OTUD7A: variants seen among roughly 807,000 people sequenced by gnomAD.
The protein encoded by OTUD7A is OTU deubiquitinase 7A.
OTUD7A carries 12 observed loss-of-function variants against 65.7 expected under a neutral mutation model. The observed-to-expected ratio is 0.18, with a 90% CI of 0.12 to 0.30. The LOEUF is 0.30. OTUD7A is among the 10% of genes least tolerant of loss of function. The pLI is 1.00. For synonymous variants in OTUD7A, 641 were observed against 586.3 expected, an observed-to-expected ratio of 1.09 and a Z score of -1.35; for missense variants, 1,148 against 1,304.8, an observed-to-expected ratio of 0.88 and a Z score of 1.85.
chr15:31,527,395 T>G, intron 6 of OTUD7A, 87 bp from the exon 7 acceptor site: 1 of 1,505,706 alleles, frequency 6.6e-7, no homozygotes, highest in Non-Finnish European at 9.0e-7. Flanking sequence ...CACGACCCAC[T>G]GGGAGAGCCT....
chr15:31,700,976 T>C (rs185539080), intron 1 of OTUD7A, among the ~76,000 whole-genome samples: 2 of 152,190 alleles, frequency 1.3e-5, no homozygotes, highest in African/African-American at 4.8e-5. Context: ...GCCGTCTCCT[T>C]CCCTGTAGTG....
chr15:31,843,921 G>T (rs1195219865), intron 1 of OTUD7A, among the ~76,000 whole-genome samples: 1 of 152,100 alleles, frequency 6.6e-6, no homozygotes, highest in Non-Finnish European at 1.5e-5. Flanking sequence ...TACACGGTTC[G>T]CACTGTGAGG....
intron 1 of OTUD7A, among the ~76,000 whole-genome samples, chr15:31,781,961 T>C (rs1277509418): frequency 6.6e-6 from 1 of 152,236 alleles, no homozygotes; most frequent in Non-Finnish European, 1.5e-5. Flanking sequence ...TGAAATCAAT[T>C]GCTAGTGAGA....
At chr15:31,627,979 A>C (rs1459383840) in intron 3 of OTUD7A, among the ~76,000 whole-genome samples, 2 of 151,966 alleles carry the variant, frequency 1.3e-5, no homozygotes, top group African/African-American at 4.8e-5. Context: ...TTCATTGTAG[A>C]TTCTGGATAC....
intron 3 of OTUD7A, among the ~76,000 whole-genome samples, chr15:31,616,671 A>C (rs1317811554): frequency 1.3e-5 from 2 of 152,058 alleles, no homozygotes; most frequent in African/African-American, 2.4e-5. Context: ...CAGCCTCCCG[A>C]GTACTGGGAT....
intron 1 of OTUD7A, among the ~76,000 whole-genome samples, chr15:31,716,409 A>G (rs1478455951): frequency 9.2e-6 from 1 of 108,878 alleles, no homozygotes; most frequent in African/African-American, 2.7e-5. Flanking sequence ...TCTGTGTTCT[A>G]AAAGGAGATC....
intron 8 of OTUD7A, among the ~76,000 whole-genome samples, chr15:31,506,716 A>G (rs542369054): frequency 2.6e-5 from 4 of 152,248 alleles, no homozygotes; most frequent in African/African-American, 9.6e-5. Flanking sequence ...GCTTTTAAGG[A>G]ATATTAAATT....
intron 1 of OTUD7A, among the ~76,000 whole-genome samples, chr15:31,843,768 A>C (rs1897240067): frequency 6.6e-6 from 1 of 152,218 alleles, no homozygotes; most frequent in Non-Finnish European, 1.5e-5. Flanking sequence ...TCACATAATG[A>C]TATGATGTCC....
chr15:31,503,098 A>G (rs2041496624), intron 9 of OTUD7A, among the ~76,000 whole-genome samples: 1 of 152,042 alleles, frequency 6.6e-6, no homozygotes, highest in Non-Finnish European at 1.5e-5. Context: ...CTTCAGTTTC[A>G]TCTCTGTAAA....
chr15:31,861,712 T>C (rs763860758), intron 1 of OTUD7A, among the ~76,000 whole-genome samples: 8 of 152,094 alleles, frequency 5.3e-5, no homozygotes, highest in Non-Finnish European at 1.0e-4. Flanking sequence ...CTGGCAATTC[T>C]AGGACATATT....
chr15:31,534,264 C>A (rs938521782), intron 5 of OTUD7A, among the ~76,000 whole-genome samples: 1 of 152,174 alleles, frequency 6.6e-6, no homozygotes, highest in African/African-American at 2.4e-5. Flanking sequence ...ATTTGAAAAT[C>A]AATCAATATA....
intron 1 of OTUD7A, among the ~76,000 whole-genome samples, chr15:31,823,869 A>G (rs1896742160): frequency 6.6e-6 from 1 of 152,230 alleles, no homozygotes; most frequent in African/African-American, 2.4e-5. Context: ...GTCTACTTCA[A>G]CAATGTCAAA....
intron 1 of OTUD7A, among the ~76,000 whole-genome samples, chr15:31,702,408 C>T (rs886748666): frequency 4.3e-4 from 64 of 149,056 alleles, no homozygotes; most frequent in African/African-American, 3.6e-4. Context: ...GAAGTGACTA[C>T]GGCAAGGTCA....
rs116121016 is a variant in OTUD7A at position 31,612,345 on chromosome 15, G to C, written c.152-42148C>G. On this transcript the variant is annotated intron_variant, in intron 3 of 12. Transcript: ENST00000307050. ...TAAAAGGCATCCAAATCGGTGATGA[G>C]GAAGTCAAACTGTCAATGTTGGCTA... Among the ~76,000 whole-genome samples the C allele has an allele frequency of 5.7e-3, 869 of 152,254 alleles. 7 individuals are homozygous for C. Among genetic ancestry groups the C allele is most frequent in the African/African-American group, 0.02 (831 of 41,558 alleles).
At chr15:31,661,916 T>TTA (rs565672486) in intron 1 of OTUD7A, among the ~76,000 whole-genome samples, 138 of 152,320 alleles carry the variant, frequency 9.1e-4, no homozygotes, top group Non-Finnish European at 1.6e-3. Flanking sequence ...TTGAAAAATC[T>TTA]TATATATATA....
At chr15:31,621,707 G>T (rs1890789313) in intron 3 of OTUD7A, among the ~76,000 whole-genome samples, 2 of 151,796 alleles carry the variant, frequency 1.3e-5, no homozygotes, top group South Asian at 4.2e-4. Context: ...GATGTCTCTT[G>T]ACTCTTTATC....
At chr15:31,725,307 C>T (rs1294890764) in intron 1 of OTUD7A, among the ~76,000 whole-genome samples, 3 of 152,190 alleles carry the variant, frequency 2.0e-5, no homozygotes, top group Admixed American at 6.5e-5. Flanking sequence ...CATTGACAGT[C>T]GCCTGTCTCC....
intron 1 of OTUD7A, among the ~76,000 whole-genome samples, chr15:31,725,090 G>A (rs1227138767): frequency 1.3e-5 from 2 of 152,110 alleles, no homozygotes; most frequent in Non-Finnish European, 2.9e-5. Context: ...TGAGCCCAGA[G>A]CCCCCCACAT....
At chr15:31,719,522 A>T (rs949189086) in intron 1 of OTUD7A, among the ~76,000 whole-genome samples, 1 of 152,072 alleles carries the variant, frequency 6.6e-6, no homozygotes, top group African/African-American at 2.4e-5. Flanking sequence ...TTGGGTTCTA[A>T]ATATAATTTG....
Sources: gnomAD v4.1 joint callset for allele counts (sites outside exome capture counted in the v4.1 genomes callset) on GRCh38, gnomAD v4.1.1 for gene constraint, MANE v1.5 for transcripts, NCBI Gene and HGNC (gene_info 2026-07-23, HGNC 2026-07-21) for gene names.